CLEC12A: variants seen among roughly 807,000 people sequenced by gnomAD.
CLEC12A encodes C-type lectin domain family 12 member A, also known as C-type lectin protein CLL-1.
In CLEC12A, 22 loss-of-function variants were observed where a neutral mutation model predicts 26.5. That is an observed-to-expected ratio of 0.83 (90% CI 0.59 to 1.19). CLEC12A has a LOEUF of 1.19. CLEC12A is among the 50% of genes most tolerant of loss of function. The probability of loss-of-function intolerance (pLI) is 0.00; values close to 1 mark genes in which losing one functional copy is unlikely to be tolerated. For missense variants in CLEC12A, 353 were observed against 315.6 expected (o/e 1.12, Z -0.90); for synonymous variants, 119 against 101.9 (o/e 1.17, Z -1.01).
chr12:9,955,704 T>A (rs1863732759), intron 1 of CLEC12A, among the ~76,000 whole-genome samples: 2 of 152,150 alleles, frequency 1.3e-5, no homozygotes. Context: ...AAAAACCCAA[T>A]AACAATGACA....
In CLEC12A at chr12:9,957,504, AC is replaced by A. The variant is rs1286322118; in HGVS notation, c.10+6149del. The stretch of plus-strand genomic sequence containing the variant: ...AGACTTCATCTCAAAAAAAAAAAAA[AC>A]AAAAAAACAAAAAAAAGGTGTGGGT... On this transcript the variant is annotated intron_variant, in intron 1 of 6. Coordinates refer to the CLEC12A transcript ENST00000355690. Among the ~76,000 whole-genome samples, 46 of 145,672 alleles carry A rather than the reference AC, an allele frequency of 3.2e-4. No homozygotes were observed. In the South Asian group the frequency reaches 6.6e-3, roughly 21 times the overall value.
chr12:9,990,119 C>T (rs775756342), downstream of CLEC12A, among the ~76,000 whole-genome samples: 3 of 152,020 alleles, frequency 2.0e-5, no homozygotes, highest in African/African-American at 4.8e-5. Context: ...AGACATGTAC[C>T]GGGAGGTTAA....
chr12:9,980,612 G>A lies in CLEC12A; in HGVS notation c.410G>A (p.Trp137Ter). 2 of 1,613,800 alleles carry A rather than the reference G, an allele frequency of 1.2e-6. No individual in the cohort carries two copies. The highest frequency in any genetic ancestry group is 4.5e-5 in the East Asian group (2 of 44,868). Residue 137 changes from tryptophan (W) to a stop codon, truncating the protein, a stop_gained, in exon 4 of 6, where the codon TGG becomes TAG. Transcript: ENST00000304361. LOFTEE classifies it high-confidence loss of function. ...AAATGTAAGCCTTGTCCAAGGAGATGGATTTGGCATAAGGACAGCTGTTAT... is the reference window on the plus strand; with the variant it reads ...AAATGTAAGCCTTGTCCAAGGAGATAGATTTGGCATAAGGACAGCTGTTAT... The part of the protein sequence containing the change: ...EHKCKPCPRR[W>*]IWHKDSCYFL...
At position 9,984,016 on chromosome 12, in the gene CLEC12A, T is replaced by G. The variant is rs1432476638; in HGVS notation, c.642-854T>G. The G allele has an allele frequency of 1.0e-5, 3 of 285,908 alleles. No individual in the cohort carries two copies. In the East Asian group the frequency reaches 3.2e-4, roughly 31 times the overall value. 17.7% of individuals were successfully genotyped at this position (285,908 alleles called of 1,614,324 possible). The stretch of plus-strand genomic sequence containing the variant: ...TTTGTAATTATTGCAAATGGAATGG[T>G]AATCTATAATGGAATGGAAAACATT... On this transcript the variant is annotated intron_variant, in intron 5 of 5. Coordinates refer to ENST00000304361, the MANE Select transcript of CLEC12A (RefSeq NM_138337.6).
chr12:9,952,447 G>C (rs867173774), intron 1 of CLEC12A: 5,611 of 152,518 alleles, frequency 0.037, 322 homozygotes, highest in African/African-American at 0.14. Context: ...GAGGTGCCGG[G>C]ATTGCAGACG....
chr12:9,969,527 A>G (rs977213482), upstream of CLEC12A, among the ~76,000 whole-genome samples: 1 of 152,188 alleles, frequency 6.6e-6, no homozygotes. Context: ...TTATTCAAAT[A>G]TTTTCAACAA....
At chr12:9,988,496 A>C (rs956845895), downstream of CLEC12A, among the ~76,000 whole-genome samples, 14 of 152,230 alleles carry the variant, frequency 9.2e-5, no homozygotes, top group Non-Finnish European at 1.8e-4. Context: ...AGAATCTACG[A>C]AGAACTCAAA....
intron 1 of CLEC12A, among the ~76,000 whole-genome samples, chr12:9,975,085 A>G (rs117855732): frequency 0.019 from 2,912 of 152,314 alleles, 36 homozygotes; most frequent in Non-Finnish European, 0.029. Context: ...CTCCAGCCAC[A>G]TGGAACCATG....
chr12:9,984,539 T>TA (rs1864694255), intron 5 of CLEC12A, among the ~76,000 whole-genome samples: 1 of 152,124 alleles, frequency 6.6e-6, no homozygotes, highest in Non-Finnish European at 1.5e-5. Context: ...CCTAGCCAGT[T>TA]AGACTAGGAG....
At chr12:9,984,021 T>C (rs749589071) in intron 5 of CLEC12A, 9 of 287,756 alleles carry the variant, frequency 3.1e-5, no homozygotes, top group African/African-American at 6.8e-5. Context: ...AATGGTAATC[T>C]ATAATGGAAT....
intron 4 of CLEC12A, chr12:9,992,766 G>T: frequency 6.2e-6 from 1 of 162,214 alleles, no homozygotes; most frequent in Non-Finnish European, 1.3e-5. Flanking sequence ...AGATATTTTG[G>T]ACAGATTTCA....
the CLEC12A span, among the ~76,000 whole-genome samples, chr12:10,001,216 T>C: frequency 0.048 from 7,330 of 152,310 alleles, 254 homozygotes; most frequent in Non-Finnish European, 0.065. Flanking sequence ...CTCTAGGACT[T>C]GAGCAGCTGA....
intron 4 of CLEC12A, chr12:9,993,428 T>C: frequency 1.4e-6 from 1 of 734,652 alleles, no homozygotes; most frequent in Non-Finnish European, 2.3e-6. Context: ...CGATTCTCAT[T>C]GTTGAGAAAG....
intron 4 of CLEC12A, among the ~76,000 whole-genome samples, chr12:9,981,048 CAG>C (rs775926448): frequency 1.0e-3 from 153 of 152,234 alleles, no homozygotes; most frequent in Non-Finnish European, 1.7e-3. Context: ...TATCTAAAAA[CAG>C]AGGATACAGA....
intron 1 of CLEC12A, among the ~76,000 whole-genome samples, chr12:9,954,570 C>T (rs944111311): frequency 3.9e-5 from 6 of 152,176 alleles, no homozygotes; most frequent in African/African-American, 1.4e-4. Flanking sequence ...GATTACCTAT[C>T]AGAACAAATA....
At chr12:9,968,148 T>A (rs1302908322), upstream of CLEC12A, among the ~76,000 whole-genome samples, 1 of 152,208 alleles carries the variant, frequency 6.6e-6, no homozygotes, top group Non-Finnish European at 1.5e-5. Context: ...GAGATGTTCC[T>A]TGGGCTAGTT....
chr12:9,952,658 C>T (rs1291173149), intron 1 of CLEC12A: 9 of 153,132 alleles, frequency 5.9e-5, no homozygotes, highest in East Asian at 2.0e-4. Context: ...GTGAGGAGCC[C>T]CTCTGCCTGG....
chr12:9,969,723 A>G (rs147788876), upstream of CLEC12A, among the ~76,000 whole-genome samples: 287 of 152,326 alleles, frequency 1.9e-3, 4 homozygotes, highest in African/African-American at 6.5e-3. Context: ...ACAAACAAAG[A>G]GATATTTATA....
At chr12:9,977,084 C>G (rs1421201293) in intron 1 of CLEC12A, among the ~76,000 whole-genome samples, 1 of 152,136 alleles carries the variant, frequency 6.6e-6, no homozygotes, top group Admixed American at 6.5e-5. Context: ...AATACACATG[C>G]TAACCCTAAA....
Sources: allele counts gnomAD v4.1 joint callset (sites outside exome capture counted in the v4.1 genomes callset), GRCh38; gene constraint gnomAD v4.1.1; transcripts MANE v1.5; gene names NCBI Gene and HGNC (gene_info 2026-07-23, HGNC 2026-07-21).